Variants in CCDC40 observed in about 807,000 individuals in gnomAD.
The protein encoded by CCDC40 is coiled-coil domain 40 molecular ruler complex subunit, also known as coiled-coil domain-containing protein 40.
CCDC40 carries 104 observed loss-of-function variants against 124.5 expected under a neutral mutation model. The ratio of observed to expected loss-of-function variants is 0.84; its 90% CI spans 0.71 to 0.98. CCDC40 has a LOEUF of 0.98. Among genes scored for constraint, CCDC40 ranks in the 50% least tolerant of loss-of-function variants. The pLI is 0.00. For missense variants in CCDC40, 1,463 were observed against 1,503.9 expected (o/e 0.97, Z 0.45); for synonymous variants, 580 against 602.9 (o/e 0.96, Z 0.56).
rs748303019 is a variant in CCDC40, at chr17:80,067,593, C to T, written c.1562+1987C>T. 3.5e-5 allele frequency: 53 copies of T among 1,536,180 alleles called. No homozygotes were observed. In the South Asian group the frequency reaches 4.6e-4, roughly 13 times the overall value. The stretch of plus-strand genomic sequence containing the variant: ...ATGGCATTCCGCTGGGATACTTCTA[C>T]GGGGAAGCTTCCTGCCCGGGGCATC... On this transcript the variant is annotated intron_variant, in intron 10 of 19. Coordinates refer to ENST00000397545, the MANE Select transcript of CCDC40 (RefSeq NM_017950.4).
At chr17:80,080,020 G>A (rs2096195459) in intron 10 of CCDC40, among the ~76,000 whole-genome samples, 1 of 151,894 alleles carries the variant, frequency 6.6e-6, no homozygotes, top group South Asian at 2.1e-4. Context: ...GAGGTCAGGA[G>A]TTCAAGACCA....
chr17:80,036,684 G>C lies in CCDC40; in HGVS notation c.22G>C (p.Ala8Pro). The C allele has an allele frequency of 6.8e-7, 1 of 1,462,272 alleles. No homozygotes were observed. The highest frequency in any genetic ancestry group is 9.0e-7 in the Non-Finnish European group (1 of 1,109,232). 90.6% of individuals were successfully genotyped at this position (1,462,272 alleles called of 1,614,324 possible). A position where few individuals can be genotyped will look rare whatever the true frequency, so the allele number is the denominator to read the frequency against. MAEPGGAAGRSHPEDGSA... is the reference protein window; with the variant it reads MAEPGGAPGRSHPEDGSA... ...GGAAATGGCGGAACCGGGCGGCGCG[G>C]CGGGCCGGTAAGCCGGGCCGAGGGG... Residue 8 changes from alanine (A) to proline (P), a missense_variant, in exon 1 of 20, where the codon GCG becomes CCG. By Grantham distance (27) the Ala-to-Pro change is conservative (BLOSUM62 -1). Transcript: ENST00000397545.
chr17:80,090,318 G>C (rs1209767121), intron 17 of CCDC40: 1 of 623,304 alleles, frequency 1.6e-6, no homozygotes, highest in Non-Finnish European at 2.4e-6. Context: ...CGAACAACAC[G>C]GGACGCGCGC....
At chr17:80,069,138 A>T (rs1444040562) in intron 10 of CCDC40, among the ~76,000 whole-genome samples, 4 of 152,062 alleles carry the variant, frequency 2.6e-5, no homozygotes, top group Admixed American at 1.3e-4. Context: ...GGTTCCAGCC[A>T]AACCTCACCC....
intron 10 of CCDC40, chr17:80,067,628 C>T (rs1013460466): frequency 7.8e-6 from 12 of 1,536,238 alleles, no homozygotes; most frequent in Admixed American, 2.0e-5. Context: ...CGAGGGCGTT[C>T]GCGTCCGTCT....
intron 10 of CCDC40, 165 bp from the exon 11 acceptor site, chr17:80,081,381 T>G: frequency 6.4e-6 from 1 of 156,916 alleles, no homozygotes; most frequent in Non-Finnish European, 1.1e-5. Context: ...TGAGACTCTG[T>G]CTCAAAAAAT....
chr17:80,097,190 T>C, intron 18 of CCDC40, 55 bp from the exon 19 acceptor site: 1 of 1,599,292 alleles, frequency 6.3e-7, no homozygotes. Context: ...GACTCTTCCC[T>C]GTCCGCCAAG....
At chr17:80,084,629 G>T in intron 12 of CCDC40, 114 bp from the exon 13 acceptor site, 1 of 1,301,882 alleles carries the variant, frequency 7.7e-7, no homozygotes. Flanking sequence ...GTGACTGTGC[G>T]TTTGGAATAT....
At chr17:80,041,789 G>A (rs550091759) in intron 3 of CCDC40, among the ~76,000 whole-genome samples, 1 of 152,140 alleles carries the variant, frequency 6.6e-6, no homozygotes, top group Middle Eastern at 3.2e-3. Context: ...TGAGGCTTTA[G>A]TGGGACTATC....
At chr17:80,078,842 A>T (rs1412613866) in intron 10 of CCDC40, among the ~76,000 whole-genome samples, 1 of 152,180 alleles carries the variant, frequency 6.6e-6, no homozygotes, top group Non-Finnish European at 1.5e-5. Context: ...AATTACATTG[A>T]ATCCATAGAT....
intron 12 of CCDC40, among the ~76,000 whole-genome samples, chr17:80,083,798 A>G (rs1422886572): frequency 6.6e-6 from 1 of 152,272 alleles, no homozygotes; most frequent in East Asian, 1.9e-4. Flanking sequence ...GCCGGACAGC[A>G]GGAGGGGTCA....
intron 3 of CCDC40, among the ~76,000 whole-genome samples, chr17:80,042,531 A>G (rs1005795162): frequency 1.3e-5 from 2 of 152,244 alleles, no homozygotes; most frequent in African/African-American, 4.8e-5. Flanking sequence ...ACGTTGCTAA[A>G]GTCCCTCACT....
In CCDC40 at chr17:80,040,245, C is replaced by G; in HGVS notation, c.527C>G (p.Thr176Ser). The G allele has an allele frequency of 6.2e-7, 1 of 1,613,826 alleles. No homozygotes were observed. The highest frequency in any genetic ancestry group is 8.5e-7 in the Non-Finnish European group (1 of 1,179,984). Residue 176 changes from threonine (T) to serine (S), a missense_variant, in exon 3 of 20, where the codon ACC (threonine) becomes AGC (serine). By Grantham distance (58) the Thr-to-Ser change is moderately conservative. Transcript: ENST00000397545. ...LGPSEQMGQV[T>S]SGPAVGRLTG... is the part of the protein sequence containing the mutation. ...CCGTCGGAGCAAATGGGCCAGGTCA[C>G]CTCTGGGCCAGCAGTGGGCAGATTG... is the stretch of plus-strand genomic sequence containing the variant.
chr17:80,097,147 G>T, intron 18 of CCDC40, 98 bp from the exon 19 acceptor site: 2 of 1,281,158 alleles, frequency 1.6e-6, no homozygotes, highest in Non-Finnish European at 2.3e-6. Flanking sequence ...TGGATGGAGT[G>T]TGTGGAAGGT....
At chr17:80,053,840 C>G (rs1214010544) in intron 7 of CCDC40, among the ~76,000 whole-genome samples, 3 of 152,176 alleles carry the variant, frequency 2.0e-5, no homozygotes, top group Non-Finnish European at 4.4e-5. Context: ...ATCCGCCCAC[C>G]TTGGCCTCCC....
In CCDC40 at chr17:80,087,887, C is replaced by G; in HGVS notation, c.2619+111C>G. The G allele has an allele frequency of 3.1e-6, 4 of 1,289,246 alleles. No individual in the cohort carries two copies. In the South Asian group the frequency reaches 3.5e-5, roughly 11 times the overall value. 79.9% of individuals were successfully genotyped at this position (1,289,246 alleles called of 1,614,324 possible). On this transcript the variant is annotated intron_variant, in intron 15 of 19. Transcript: ENST00000397545. The surrounding 1 kb of genome is among the most constrained non-coding windows in gnomAD (Gnocchi z 4.5). ...GTAATTTCCACACCCGTTCAAGATGCTTGTAGGGGTATTAGAAATCCAGCC... is the reference window on the plus strand; with the variant it reads ...GTAATTTCCACACCCGTTCAAGATGGTTGTAGGGGTATTAGAAATCCAGCC...
intron 3 of CCDC40, among the ~76,000 whole-genome samples, chr17:80,041,378 C>A (rs774236346): frequency 6.6e-6 from 1 of 152,030 alleles, no homozygotes; most frequent in African/African-American, 2.4e-5. Context: ...CGTGGTGGTG[C>A]ACACCTGTAA....
In CCDC40 at chr17:80,087,544, G is replaced by A; in HGVS notation, c.2450-63G>A. 1 of 1,383,872 alleles carries A rather than the reference G, an allele frequency of 7.2e-7. No individual in the cohort carries two copies. Among genetic ancestry groups the A allele is most frequent in the Non-Finnish European group, 1.0e-6 (1 of 976,056 alleles). The allele number at this position is 1,383,872 out of a possible 1,614,324, so 85.7% of individuals were successfully genotyped here. A position where few individuals can be genotyped will look rare whatever the true frequency, so the allele number is the denominator to read the frequency against. ...CCTGGCTCACCTCTCGGACACTGCT[G>A]CCTGCGGGCGAGGACCCGTACCCTC... On this transcript the variant is annotated intron_variant, in intron 14 of 19. Coordinates refer to ENST00000397545, the MANE Select transcript of CCDC40 (RefSeq NM_017950.4). This position sits in a 1 kb window ranked among gnomAD's most constrained non-coding sequence, Gnocchi z 4.5.
rs997652148 is a variant in CCDC40, at chr17:80,048,773, T to A, written c.855+12T>A. The A allele has an allele frequency of 1.3e-6, 2 of 1,596,448 alleles. No homozygotes were observed. The highest frequency in any genetic ancestry group is 1.7e-6 in the Non-Finnish European group (2 of 1,171,480). ...TGGACCCAGACCACGTAAGGAAGCCTTCCCAGGTTTTGCTTTTGCCTACAT... is the reference window on the plus strand; with the variant it reads ...TGGACCCAGACCACGTAAGGAAGCCATCCCAGGTTTTGCTTTTGCCTACAT... On this transcript the variant is annotated intron_variant, in intron 5 of 19. Coordinates refer to ENST00000397545, the MANE Select transcript of CCDC40 (RefSeq NM_017950.4).
Sources: gnomAD v4.1 joint callset for allele counts (sites outside exome capture counted in the v4.1 genomes callset) on GRCh38, gnomAD v4.1.1 for gene constraint, Gnocchi (gnomAD v3.1) non-coding constraint, MANE v1.5 for transcripts, NCBI Gene and HGNC (gene_info 2026-07-23, HGNC 2026-07-21) for gene names.